Variants in VRK2 observed in about 807,000 individuals in gnomAD.
VRK2 encodes the protein serine/threonine-protein kinase VRK2.
In VRK2, 60 loss-of-function variants were observed where a neutral mutation model predicts 57.6. The ratio of observed to expected loss-of-function variants is 1.04; its 90% CI spans 0.85 to 1.29. The LOEUF (loss-of-function observed/expected upper bound fraction) is 1.29. Ranked by LOEUF, VRK2 falls within the 50% of genes most tolerant of loss-of-function variation. VRK2 has a pLI of 0.00. For missense variants in VRK2, 705 were observed against 588.1 expected (o/e 1.20, Z -2.06); for synonymous variants, 231 against 199.2 (o/e 1.16, Z -1.35).
chr2:57,935,639 T>C (rs1219329224), intron 1 of VRK2, among the ~76,000 whole-genome samples: 2 of 152,226 alleles, frequency 1.3e-5, no homozygotes, highest in South Asian at 2.1e-4. Context: ...TAGTAGGGTC[T>C]GTGACCTCTC....
chr2:57,942,283 G>T (rs2678897), intron 1 of VRK2, among the ~76,000 whole-genome samples: 1 of 152,056 alleles, frequency 6.6e-6, no homozygotes, highest in Non-Finnish European at 1.5e-5. Context: ...TGAAATATTC[G>T]TGCCAAATTT....
chr2:58,112,226 C>G (rs1675673424), intron 7 of VRK2, among the ~76,000 whole-genome samples: 1 of 152,190 alleles, frequency 6.6e-6, no homozygotes, highest in Non-Finnish European at 1.5e-5. Context: ...TGCTGGGATG[C>G]TCAGCTTTCT....
At chr2:58,159,882 G>C (rs949402305), downstream of VRK2, 5 of 1,589,372 alleles carry the variant, frequency 3.1e-6, no homozygotes, top group African/African-American at 5.4e-5. Flanking sequence ...TAGTGTCATA[G>C]AATAGTGTCA....
At chr2:58,090,083 A>C (rs186121037) in intron 7 of VRK2, among the ~76,000 whole-genome samples, 1 of 152,158 alleles carries the variant, frequency 6.6e-6, no homozygotes, top group South Asian at 2.1e-4. Context: ...ATCATTTCCT[A>C]CTGTATAACC....
chr2:58,003,662 T>G (rs1673156042), intron 1 of VRK2, among the ~76,000 whole-genome samples: 1 of 152,168 alleles, frequency 6.6e-6, no homozygotes, highest in Admixed American at 6.5e-5. Context: ...TCTGGCAATT[T>G]TAGCATAAAA....
At chr2:58,082,909 A>T (rs1671095375) in intron 2 of VRK2, among the ~76,000 whole-genome samples, 1 of 151,782 alleles carries the variant, frequency 6.6e-6, no homozygotes, top group Admixed American at 6.6e-5. Context: ...CTCAACTGTA[A>T]TGTACAATTT....
intron 2 of VRK2, among the ~76,000 whole-genome samples, chr2:58,051,524 C>T (rs1274615656): frequency 2.0e-5 from 3 of 152,158 alleles, no homozygotes; most frequent in East Asian, 1.9e-4. Context: ...CTCATCACTT[C>T]CTCTATATAA....
At chr2:58,135,025 AGC>A in intron 9 of VRK2, 114 bp from the exon 10 acceptor site, 3 of 986,180 alleles carry the variant, frequency 3.0e-6, no homozygotes, top group Non-Finnish European at 4.5e-6. Context: ...CAAAAAAAAA[AGC>A]ATTGAAAGTC....
intron 1 of VRK2, among the ~76,000 whole-genome samples, chr2:57,988,148 CTG>C (rs1366015407): frequency 2.6e-5 from 4 of 152,088 alleles, no homozygotes; most frequent in Non-Finnish European, 5.9e-5. Flanking sequence ...GGGTGTGTCA[CTG>C]TAGGTAAATT....
At chr2:57,984,576 C>T (rs1672535323) in intron 1 of VRK2, among the ~76,000 whole-genome samples, 1 of 152,018 alleles carries the variant, frequency 6.6e-6, no homozygotes. Context: ...ACTAAACTAA[C>T]AAAGGGAAGA....
chr2:57,933,187 A>G (rs1325122327), intron 1 of VRK2, among the ~76,000 whole-genome samples: 1 of 152,022 alleles, frequency 6.6e-6, no homozygotes, highest in Non-Finnish European at 1.5e-5. Flanking sequence ...TTTTGGGTCT[A>G]AAGGGTAGTT....
rs758548799 is a variant in VRK2, at chr2:58,146,484, T to C, written c.1182+10T>C. The C allele has an allele frequency of 6.3e-7, 1 of 1,599,910 alleles. No homozygotes were observed. Among genetic ancestry groups the C allele is most frequent in the Non-Finnish European group, 8.5e-7 (1 of 1,173,416 alleles). ...CAATGAAGCAGCTCAGGTGAGAGGG[T>C]TGTTTGTGTGTGTTTTTTCTAACTT... On this transcript the variant is annotated intron_variant, in intron 12 of 12. Transcript: ENST00000340157.
intron 1 of VRK2, among the ~76,000 whole-genome samples, chr2:57,950,908 A>G (rs889234666): frequency 1.3e-5 from 2 of 152,066 alleles, no homozygotes; most frequent in African/African-American, 2.4e-5. Flanking sequence ...CCTGGCCAAC[A>G]TGGTGAAACT....
At chr2:58,034,322 A>G (rs1365469006) in intron 3 of VRK2, among the ~76,000 whole-genome samples, 2 of 151,926 alleles carry the variant, frequency 1.3e-5, no homozygotes. Flanking sequence ...GGACCTTTGC[A>G]TATGTCCTTT....
chr2:57,954,970 C>CA (rs1447007601), intron 1 of VRK2, among the ~76,000 whole-genome samples: 2 of 152,090 alleles, frequency 1.3e-5, no homozygotes, highest in Non-Finnish European at 2.9e-5. Flanking sequence ...TATTTTCCCC[C>CA]AATTAAGTAT....
At chr2:57,954,030 C>A (rs998206988) in intron 1 of VRK2, among the ~76,000 whole-genome samples, 3 of 152,168 alleles carry the variant, frequency 2.0e-5, no homozygotes, top group African/African-American at 7.2e-5. Flanking sequence ...GTCCTCCCAA[C>A]ATTCCAGCAC....
chr2:58,084,002 A>G, intron 2 of VRK2, 87 bp from the exon 3 acceptor site: 2 of 1,410,222 alleles, frequency 1.4e-6, no homozygotes, highest in Non-Finnish European at 1.9e-6. Flanking sequence ...CATATGTAAA[A>G]TGCTTAGCAT....
intron 7 of VRK2, among the ~76,000 whole-genome samples, chr2:58,097,896 TAA>T (rs140627730): frequency 6.6e-6 from 1 of 151,258 alleles, no homozygotes; most frequent in Non-Finnish European, 1.5e-5. Context: ...TCTACTTATA[TAA>T]AAAAAAAGTT....
At chr2:58,120,991 C>T (rs1677413390) in intron 7 of VRK2, among the ~76,000 whole-genome samples, 1 of 152,198 alleles carries the variant, frequency 6.6e-6, no homozygotes, top group African/African-American at 2.4e-5. Flanking sequence ...GCAGTAGTCT[C>T]GAATAAAGTC....
Sources: gnomAD v4.1 joint callset for allele counts (sites outside exome capture counted in the v4.1 genomes callset) on GRCh38, gnomAD v4.1.1 for gene constraint, MANE v1.5 for transcripts, NCBI Gene and HGNC (gene_info 2026-07-23, HGNC 2026-07-21) for gene names.